TBCK: variants seen among roughly 807,000 people sequenced by gnomAD.
The protein encoded by TBCK is TBC domain-containing protein kinase-like protein.
A neutral mutation model predicts 113.4 loss-of-function variants in TBCK; 99 were observed. That is an observed-to-expected ratio of 0.87 (90% confidence interval 0.74 to 1.03). The LOEUF is 1.03. Among genes scored for constraint, TBCK ranks in the 50% least tolerant of loss-of-function variants. The probability of loss-of-function intolerance (pLI) is 0.00; values close to 1 mark genes in which losing one functional copy is unlikely to be tolerated. For synonymous variants in TBCK, 369 were observed against 370.8 expected (o/e 1.00, Z 0.05); for missense variants, 1,045 against 1,061.3 (o/e 0.98, Z 0.21).
chr4:106,236,777 TA>T lies in TBCK; in HGVS notation c.1201del (p.Tyr401ThrfsTer28). Reference sequence around the variant, plus strand: ...TACTCACTCATCTTCAAGTAATGGGTAAAATGCTTCTCCACCAACATCTTTC... The same window carrying T: ...TACTCACTCATCTTCAAGTAATGGGTAAATGCTTCTCCACCAACATCTTTC... ...RLKDVGGEAF[Y>X]PLLEDDQSNL... On this transcript the variant is annotated frameshift_variant, in exon 13 of 26. Transcript: ENST00000394708. LOFTEE classifies it high-confidence loss of function. The T allele has an allele frequency of 6.6e-7, 1 of 1,518,636 alleles. No homozygotes were observed. The highest frequency in any genetic ancestry group is 8.8e-7 in the Non-Finnish European group (1 of 1,132,736). The allele number at this position is 1,518,636 out of a possible 1,614,324, so 94.1% of individuals were successfully genotyped here.
chr4:106,275,873 T>C (rs1313948722), intron 3 of TBCK, among the ~76,000 whole-genome samples: 1 of 152,060 alleles, frequency 6.6e-6, no homozygotes, highest in Non-Finnish European at 1.5e-5. Flanking sequence ...CAACGCAACC[T>C]CAATCAAGAT....
intron 19 of TBCK, among the ~76,000 whole-genome samples, chr4:106,218,600 C>A: frequency 1.4e-5 from 1 of 72,826 alleles, no homozygotes. Flanking sequence ...ATTTATGCAG[C>A]CAAAAAACAC....
intron 2 of TBCK, among the ~76,000 whole-genome samples, chr4:106,308,327 A>G (rs1439268589): frequency 6.6e-6 from 1 of 152,186 alleles, no homozygotes; most frequent in African/African-American, 2.4e-5. Flanking sequence ...TAAAAGCTAT[A>G]AAAGAACTTA....
At chr4:106,213,553 C>A (rs59197205) in intron 19 of TBCK, 2 of 154,076 alleles carry the variant, frequency 1.3e-5, no homozygotes, top group Non-Finnish European at 2.9e-5. Context: ...TTGCCTCACT[C>A]GGGAAGCGCA....
In TBCK at chr4:106,162,821, G is replaced by T. The variant is rs142423388; in HGVS notation, c.2235+8274C>A. Among the ~76,000 whole-genome samples, 145 of 152,238 alleles carry T rather than the reference G, an allele frequency of 9.5e-4. 1 individual carries two copies. Among genetic ancestry groups the T allele is most frequent in the African/African-American group, 3.3e-3 (138 of 41,552 alleles). The stretch of plus-strand genomic sequence containing the variant: ...CCTAGGAAACCATTTTTCTGTCCTA[G>T]GTCTCCAGGCCTATGATGGGAGAGG... On this transcript the variant is annotated intron_variant, in intron 23 of 25. Transcript: ENST00000394708.
At chr4:106,122,370 G>A (rs1442414343) in intron 23 of TBCK, among the ~76,000 whole-genome samples, 1 of 152,172 alleles carries the variant, frequency 6.6e-6, no homozygotes, top group Non-Finnish European at 1.5e-5. Flanking sequence ...AGCTGAAATT[G>A]TGGCAATAAT....
At chr4:106,078,866 T>A (rs531874301) in intron 25 of TBCK, among the ~76,000 whole-genome samples, 1 of 152,244 alleles carries the variant, frequency 6.6e-6, no homozygotes, top group African/African-American at 2.4e-5. Flanking sequence ...ATATCTCTGA[T>A]GAACATGCAA....
chr4:106,051,521 T>C (rs1560580899), intron 25 of TBCK, among the ~76,000 whole-genome samples: 1 of 151,912 alleles, frequency 6.6e-6, no homozygotes, highest in Non-Finnish European at 1.5e-5. Context: ...TATCCTATAA[T>C]AAGCAGCTGT....
intron 25 of TBCK, among the ~76,000 whole-genome samples, chr4:106,058,989 T>G (rs1256392772): frequency 2.6e-5 from 4 of 151,662 alleles, no homozygotes; most frequent in African/African-American, 4.8e-5. Context: ...GAGTAATAAG[T>G]CAAATAATAC....
In TBCK at chr4:106,248,305, T is replaced by G. The variant is rs779661610; in HGVS notation, c.722A>C (p.Glu241Ala). The change falls in exon 9 of 26, where the codon GAG becomes GCG. Residue 241 changes from glutamate (E) to alanine (A), a missense_variant and splice_region_variant. Coordinates refer to ENST00000394708, the MANE Select transcript of TBCK (RefSeq NM_001163435.3). Reference protein sequence around the residue: ...EEHGCLDIIKELPETVIDLLN... With the variant: ...EEHGCLDIIKALPETVIDLLN... ...AAGATCTATCACAGTTTCAGGAAGCTCCTGGTAAATAAAGAGAGAAAATAA... is the reference window on the plus strand; with the variant it reads ...AAGATCTATCACAGTTTCAGGAAGCGCCTGGTAAATAAAGAGAGAAAATAA... 1 of 1,574,732 alleles carries G rather than the reference T, an allele frequency of 6.4e-7. No individual in the cohort carries two copies. Among genetic ancestry groups the G allele is most frequent in the Non-Finnish European group, 8.6e-7 (1 of 1,157,544 alleles).
intron 23 of TBCK, among the ~76,000 whole-genome samples, chr4:106,125,873 A>G (rs1373347174): frequency 5.9e-5 from 9 of 152,234 alleles, no homozygotes; most frequent in Admixed American, 5.9e-4. Context: ...ACAATAATTT[A>G]TTGTGTATTT....
intron 3 of TBCK, among the ~76,000 whole-genome samples, chr4:106,278,557 TCAAAAAAAAA>T (rs1560956061): frequency 3.4e-5 from 1 of 29,442 alleles, no homozygotes. Flanking sequence ...AAACTCTGTC[TCAAAAAAAAA>T]AAAAAAAAAA....
chr4:106,159,400 A>C (rs1026809571), intron 23 of TBCK, among the ~76,000 whole-genome samples: 10 of 152,118 alleles, frequency 6.6e-5, no homozygotes, highest in African/African-American at 2.4e-4. Context: ...CATTACACAA[A>C]ACACTGTTAG....
intron 25 of TBCK, among the ~76,000 whole-genome samples, chr4:106,061,172 G>A (rs975675324): frequency 6.6e-6 from 1 of 151,822 alleles, no homozygotes; most frequent in African/African-American, 2.4e-5. Context: ...GTATTGACTT[G>A]ATTTGGAAAG....
At chr4:106,089,805 A>G (rs1400567590) in intron 25 of TBCK, among the ~76,000 whole-genome samples, 18 of 152,238 alleles carry the variant, frequency 1.2e-4, no homozygotes, top group Admixed American at 1.2e-3. Flanking sequence ...CCTGGGCAGA[A>G]TGGTGTGAGA....
intron 5 of TBCK, among the ~76,000 whole-genome samples, chr4:106,260,004 T>C (rs1395667174): frequency 6.6e-6 from 1 of 151,916 alleles, no homozygotes; most frequent in East Asian, 1.9e-4. Context: ...ATGACTCAAC[T>C]TGAATCTTAA....
intron 23 of TBCK, among the ~76,000 whole-genome samples, chr4:106,155,660 A>G (rs530672771): frequency 6.6e-6 from 1 of 151,994 alleles, no homozygotes; most frequent in East Asian, 1.9e-4. Flanking sequence ...GATACATTCT[A>G]TTAGAGGACT....
At position 106,111,503 on chromosome 4, in the gene TBCK, T is replaced by C. The variant is rs556927015; in HGVS notation, c.2411+4700A>G. 5.1e-4 allele frequency among the ~76,000 whole-genome samples: 78 copies of C among 152,320 alleles called. 1 individual carries two copies. Among genetic ancestry groups the C allele is most frequent in the African/African-American group, 1.8e-3 (75 of 41,574 alleles). On this transcript the variant is annotated intron_variant, in intron 24 of 25. Coordinates refer to ENST00000394708, the MANE Select transcript of TBCK (RefSeq NM_001163435.3). ...ATGAAAGGCCAGCTCACTGATTTCATTGGAAAGTGCTTCCTCAAGGAATGC... is the reference window on the plus strand; with the variant it reads ...ATGAAAGGCCAGCTCACTGATTTCACTGGAAAGTGCTTCCTCAAGGAATGC...
chr4:106,301,196 T>G (rs556590498), intron 2 of TBCK, among the ~76,000 whole-genome samples: 30 of 151,664 alleles, frequency 2.0e-4, no homozygotes, highest in Non-Finnish European at 4.4e-4. Flanking sequence ...TTTGTTCTGT[T>G]TCTCTTATGA....
Sources: gnomAD v4.1 joint callset for allele counts (sites outside exome capture counted in the v4.1 genomes callset) on GRCh38, gnomAD v4.1.1 for gene constraint, MANE v1.5 for transcripts, NCBI Gene and HGNC (gene_info 2026-07-23, HGNC 2026-07-21) for gene names.